FBXL4: variants seen among roughly 807,000 people sequenced by gnomAD.
FBXL4 encodes the protein F-box/LRR-repeat protein 4.
Under a neutral mutation model 58.9 loss-of-function variants are expected in FBXL4, and 40 were observed. The ratio of observed to expected loss-of-function variants is 0.68; its 90% CI spans 0.53 to 0.88. The LOEUF (loss-of-function observed/expected upper bound fraction) is 0.88, where lower values mean the gene tolerates loss of function less well. FBXL4 is among the 40% of genes least tolerant of loss of function. The pLI, the probability that FBXL4 is intolerant of heterozygous loss-of-function variation, is 0.00. For missense variants in FBXL4, 676 were observed against 734.4 expected (o/e 0.92, Z 0.92); for synonymous variants, 263 against 265.5 (o/e 0.99, Z 0.09).
At chr6:98,898,096 C>T (rs1771468792) in intron 7 of FBXL4, among the ~76,000 whole-genome samples, 1 of 151,860 alleles carries the variant, frequency 6.6e-6, no homozygotes, top group African/African-American at 2.4e-5. Flanking sequence ...ATGAAGGAAA[C>T]AAACTAGAAG....
At chr6:98,938,657 ACATTTG>A in intron 1 of FBXL4, among the ~76,000 whole-genome samples, 1 of 152,172 alleles carries the variant, frequency 6.6e-6, no homozygotes, top group East Asian at 1.9e-4. Context: ...AAACCCAGAT[ACATTTG>A]CACAAAACAC....
intron 8 of FBXL4, among the ~76,000 whole-genome samples, chr6:98,878,146 C>A (rs1770720641): frequency 6.6e-6 from 1 of 152,128 alleles, no homozygotes; most frequent in Non-Finnish European, 1.5e-5. Context: ...TATAATAGAT[C>A]ACAATCACCA....
chr6:98,893,762 GGGGAA>G (rs1771314204), intron 7 of FBXL4, among the ~76,000 whole-genome samples: 3 of 151,660 alleles, frequency 2.0e-5, no homozygotes. Context: ...GCATATAGTA[GGGGAA>G]CCTGGGTGAA....
intron 4 of FBXL4, among the ~76,000 whole-genome samples, chr6:98,919,719 G>C (rs1260099006): frequency 6.6e-6 from 1 of 152,152 alleles, no homozygotes; most frequent in Non-Finnish European, 1.5e-5. Flanking sequence ...AGGTGCTAGG[G>C]AACAGAAGCA....
intron 7 of FBXL4, among the ~76,000 whole-genome samples, chr6:98,893,169 G>A (rs1038175770): frequency 6.6e-6 from 1 of 152,090 alleles, no homozygotes; most frequent in Non-Finnish European, 1.5e-5. Context: ...TAGTACGTGT[G>A]GGACTTATCT....
intron 5 of FBXL4, among the ~76,000 whole-genome samples, chr6:98,907,824 G>A (rs1319231945): frequency 1.3e-5 from 2 of 152,028 alleles, no homozygotes; most frequent in East Asian, 1.9e-4. Flanking sequence ...ATCACAAAAC[G>A]CAGAGTAACA....
chr6:98,944,135 A>G (rs1773534562), intron 1 of FBXL4, among the ~76,000 whole-genome samples: 1 of 152,256 alleles, frequency 6.6e-6, no homozygotes, highest in Non-Finnish European at 1.5e-5. Flanking sequence ...ATTTTTAAAA[A>G]TCTATATCTA....
intron 5 of FBXL4, among the ~76,000 whole-genome samples, chr6:98,912,233 C>T (rs1430834491): frequency 1.3e-5 from 2 of 152,278 alleles, no homozygotes; most frequent in East Asian, 1.9e-4. Context: ...GAGAATGGAA[C>T]CAAGTTGGAA....
rs993783235 is a variant in FBXL4 at position 98,880,679 on chromosome 6, AAAGAG to A, written c.1318-60_1318-56del. 6.2e-6 allele frequency: 9 copies of A among 1,457,666 alleles called. No individual in the cohort carries two copies. The African/African-American group carries it at 8.4e-5, about 14-fold the overall frequency. 90.3% of individuals were successfully genotyped at this position (1,457,666 alleles called of 1,614,324 possible). On this transcript the variant is annotated intron_variant, in intron 7 of 9. Transcript: ENST00000369244. ...TATGGAAAGTGAATGAAAGTGAAAC[AAAGAG>A]AAGAGGTCAATTAGACATTAAAGGC...
In FBXL4 at chr6:98,899,276, T is replaced by C. The variant is rs1562226817; in HGVS notation, c.1309A>G (p.Lys437Glu). Reference protein sequence around the residue: ...SLKRLVLYRTKVEQTALLSIL... With the variant: ...SLKRLVLYRTEVEQTALLSIL... ...TTATGAATTACTCTCACCTCTACTT[T>C]TGTTCGATAGAGAACAAGTCGTTTA... The change falls in exon 7 of 10, where the codon AAA becomes GAA. Residue 437 changes from lysine (K) to glutamate (E), a missense_variant. Coordinates refer to ENST00000369244, the MANE Select transcript of FBXL4 (RefSeq NM_001278716.2). 1 of 1,613,848 alleles carries C rather than the reference T, an allele frequency of 6.2e-7. No individual in the cohort carries two copies. The highest frequency in any genetic ancestry group is 8.5e-7 in the Non-Finnish European group (1 of 1,179,838).
intron 7 of FBXL4, among the ~76,000 whole-genome samples, chr6:98,890,350 C>T (rs1582381651): frequency 6.6e-6 from 1 of 152,046 alleles, no homozygotes; most frequent in Non-Finnish European, 1.5e-5. Context: ...AGTTATATAA[C>T]GTGATCAGAA....
chr6:98,920,746 T>C (rs1396677935), intron 4 of FBXL4, among the ~76,000 whole-genome samples: 1 of 150,556 alleles, frequency 6.6e-6, no homozygotes, highest in Non-Finnish European at 1.5e-5. Flanking sequence ...AAAGCCAGAA[T>C]AATAAAAACT....
intron 6 of FBXL4, among the ~76,000 whole-genome samples, chr6:98,903,990 C>T (rs373860395): frequency 9.9e-5 from 15 of 151,950 alleles, no homozygotes; most frequent in East Asian, 3.9e-4. Context: ...TGAAAACAAA[C>T]GTTTAATAAA....
rs182982531 is a variant in FBXL4, at chr6:98,872,409, A to G, written c.*1869T>C. On this transcript the variant is annotated 3_prime_UTR_variant, in exon 10 of 10. Coordinates refer to ENST00000369244, the MANE Select transcript of FBXL4 (RefSeq NM_001278716.2). ...CTATCTGCAAGGAATTTTCAGAAGT[A>G]AAATACATAAAATCTTATTACAGAT... is the stretch of plus-strand genomic sequence containing the variant. 6.6e-6 allele frequency: 1 copy of G among 152,328 alleles called. No individual in the cohort carries two copies. The highest frequency in any genetic ancestry group is 1.9e-4 in the East Asian group (1 of 5,190). The allele number at this position is 152,328 out of a possible 1,614,324, so 9.4% of individuals were successfully genotyped here. A position where few individuals can be genotyped will look rare whatever the true frequency, so the allele number is the denominator to read the frequency against.
At chr6:98,945,507 A>G (rs1164721622) in intron 1 of FBXL4, among the ~76,000 whole-genome samples, 1 of 152,252 alleles carries the variant, frequency 6.6e-6, no homozygotes, top group African/African-American at 2.4e-5. Flanking sequence ...AGGTGGGCAC[A>G]CAGCACTTTC....
chr6:98,882,200 C>T (rs1770878433), intron 7 of FBXL4, among the ~76,000 whole-genome samples: 1 of 151,976 alleles, frequency 6.6e-6, no homozygotes, highest in Non-Finnish European at 1.5e-5. Context: ...ATATAACACC[C>T]ATGTAGCCAC....
At chr6:98,876,552 C>T (rs1232761515) in intron 8 of FBXL4, among the ~76,000 whole-genome samples, 1 of 152,022 alleles carries the variant, frequency 6.6e-6, no homozygotes, top group Admixed American at 6.6e-5. Flanking sequence ...ATCTACGCAC[C>T]ACTCCAGATG....
intron 7 of FBXL4, among the ~76,000 whole-genome samples, chr6:98,890,667 C>G (rs1446690867): frequency 6.6e-6 from 1 of 151,988 alleles, no homozygotes; most frequent in African/African-American, 2.4e-5. Flanking sequence ...GCCTGTAATC[C>G]CAGCACTTTG....
chr6:98,870,666 AAAAG>A lies in FBXL4; in HGVS notation c.*3608_*3611del, dbSNP rs1770467562. The A allele has an allele frequency of 2.0e-5, 3 of 152,252 alleles. No individual in the cohort carries two copies. Among genetic ancestry groups the A allele is most frequent in the Admixed American group, 2.0e-4 (3 of 15,286 alleles). The allele number at this position is 152,252 out of a possible 1,614,324, so 9.4% of individuals were successfully genotyped here. A position where few individuals can be genotyped will look rare whatever the true frequency, so the allele number is the denominator to read the frequency against. On this transcript the variant is annotated 3_prime_UTR_variant, in exon 10 of 10. Transcript: ENST00000369244. ...ACCCATAACATCAAAACAAGAGAAAAAAAGAAAAGTAGACTTGAAGTGACATTTT... is the reference window on the plus strand; with the variant it reads ...ACCCATAACATCAAAACAAGAGAAAAAAAAGTAGACTTGAAGTGACATTTT...
Sources: gnomAD v4.1 joint callset for allele counts (sites outside exome capture counted in the v4.1 genomes callset) on GRCh38, gnomAD v4.1.1 for gene constraint, MANE v1.5 for transcripts, NCBI Gene and HGNC (gene_info 2026-07-23, HGNC 2026-07-21) for gene names.